Variants in NPSR1 observed in about 807,000 individuals in gnomAD.
NPSR1 encodes neuropeptide S receptor 1.
Under a neutral mutation model 46.9 loss-of-function variants are expected in NPSR1, and 48 were observed. That is an observed-to-expected ratio of 1.02 (90% CI 0.81 to 1.30). The LOEUF is 1.30. Among genes scored for constraint, NPSR1 ranks in the 50% most tolerant of loss-of-function variants. NPSR1 has a pLI of 0.00. For missense variants in NPSR1, 450 were observed against 449.5 expected (o/e 1.00, Z -0.01); for synonymous variants, 176 against 168.1 (o/e 1.05, Z -0.36).
chr7:34,707,432 T>C (rs1794165752), intron 2 of NPSR1, among the ~76,000 whole-genome samples: 1 of 152,182 alleles, frequency 6.6e-6, no homozygotes, highest in Non-Finnish European at 1.5e-5. Context: ...AAATAGACTA[T>C]AGTAACAAGC....
intron 3 of NPSR1, among the ~76,000 whole-genome samples, chr7:34,805,939 T>C (rs188698564): frequency 1.3e-5 from 2 of 152,108 alleles, no homozygotes; most frequent in East Asian, 3.9e-4. Context: ...CAAAATCATA[T>C]GCCATTAGGG....
intron 4 of NPSR1, among the ~76,000 whole-genome samples, chr7:34,823,923 C>T (rs1382262998): frequency 6.6e-6 from 1 of 152,088 alleles, no homozygotes; most frequent in Non-Finnish European, 1.5e-5. Context: ...ACCAAAGATA[C>T]CTGAGCTTTC....
At chr7:34,857,829 A>T (rs1346059202) in intron 8 of NPSR1, among the ~76,000 whole-genome samples, 2 of 151,824 alleles carry the variant, frequency 1.3e-5, no homozygotes, top group Non-Finnish European at 2.9e-5. Context: ...TAATATATAA[A>T]AACTACTGCA....
chr7:34,716,410 G>A (rs1783569930), intron 2 of NPSR1, among the ~76,000 whole-genome samples: 1 of 152,198 alleles, frequency 6.6e-6, no homozygotes, highest in South Asian at 2.1e-4. Context: ...GAGCAGAAGA[G>A]TGTACATATT....
At chr7:34,750,774 A>G in intron 2 of NPSR1, 1 of 694,234 alleles carries the variant, frequency 1.4e-6, no homozygotes, top group Non-Finnish European at 2.7e-6. Context: ...GACACACAGT[A>G]GGCCAGGTCC....
chr7:34,869,439 T>G (rs1420355499), intron 8 of NPSR1, among the ~76,000 whole-genome samples: 1 of 151,712 alleles, frequency 6.6e-6, no homozygotes, highest in Non-Finnish European at 1.5e-5. Flanking sequence ...TCAGACATAA[T>G]GAACTACTGC....
intron 3 of NPSR1, among the ~76,000 whole-genome samples, chr7:34,809,241 T>C (rs1322309593): frequency 6.6e-6 from 1 of 152,162 alleles, no homozygotes; most frequent in Non-Finnish European, 1.5e-5. Context: ...GATCGATTTT[T>C]TTTTTCTTAA....
intron 1 of NPSR1, among the ~76,000 whole-genome samples, chr7:34,676,127 C>T (rs2609216): frequency 0.13 from 20,094 of 152,104 alleles, 1,479 homozygotes; most frequent in African/African-American, 0.19. Context: ...TCTGAAAAGG[C>T]AGTGAGTTAG....
intron 2 of NPSR1, chr7:34,768,448 T>C (rs1396426220): frequency 1.3e-5 from 2 of 152,090 alleles, no homozygotes; most frequent in African/African-American, 2.4e-5. Flanking sequence ...ACTCTGAAAA[T>C]AGTAAAAATA....
At chr7:34,749,168 C>T (rs1414722298) in intron 2 of NPSR1, among the ~76,000 whole-genome samples, 1 of 152,134 alleles carries the variant, frequency 6.6e-6, no homozygotes, top group African/African-American at 2.4e-5. Flanking sequence ...AGCTGAGCCT[C>T]TGTGTGGCCA....
intron 2 of NPSR1, among the ~76,000 whole-genome samples, chr7:34,722,700 G>T (rs1783922934): frequency 6.6e-6 from 1 of 152,172 alleles, no homozygotes; most frequent in African/African-American, 2.4e-5. Context: ...GACAAAAGTG[G>T]GCAGACTTGA....
chr7:34,678,722 AG>A (rs1290783030), intron 1 of NPSR1, among the ~76,000 whole-genome samples: 2 of 151,736 alleles, frequency 1.3e-5, no homozygotes, highest in Non-Finnish European at 2.9e-5. Context: ...TCTACTCGGG[AG>A]GCTGAGGCAG....
At chr7:34,784,774 G>GA (rs1787385292) in intron 3 of NPSR1, among the ~76,000 whole-genome samples, 1 of 151,990 alleles carries the variant, frequency 6.6e-6, no homozygotes, top group Non-Finnish European at 1.5e-5. Flanking sequence ...CAGTTCCTCA[G>GA]AAAAAATGCT....
intron 3 of NPSR1, among the ~76,000 whole-genome samples, chr7:34,802,512 T>C (rs192479999): frequency 6.7e-6 from 1 of 150,342 alleles, no homozygotes; most frequent in Non-Finnish European, 1.5e-5. Flanking sequence ...TGGATAGCCA[T>C]ATGTAGAAAG....
At chr7:34,834,045 C>T (rs887865420) in intron 5 of NPSR1, 10 of 314,852 alleles carry the variant, frequency 3.2e-5, no homozygotes, top group Non-Finnish European at 5.2e-5. Context: ...CAGGACTGTA[C>T]AACAGACAAG....
chr7:34,803,830 T>C (rs1788555832), intron 3 of NPSR1, among the ~76,000 whole-genome samples: 1 of 151,260 alleles, frequency 6.6e-6, no homozygotes, highest in Non-Finnish European at 1.5e-5. Context: ...CTACTGATTC[T>C]GTGGACATTA....
chr7:34,733,665 G>A (rs1036344735), intron 2 of NPSR1, among the ~76,000 whole-genome samples: 1 of 152,148 alleles, frequency 6.6e-6, no homozygotes, highest in Non-Finnish European at 1.5e-5. Context: ...TGCTATCATA[G>A]AGATGTAATG....
chr7:34,771,688 T>C (rs1316166668), intron 2 of NPSR1, among the ~76,000 whole-genome samples: 1 of 152,132 alleles, frequency 6.6e-6, no homozygotes, highest in African/African-American at 2.4e-5. Flanking sequence ...TAAAAGGCAG[T>C]GTTGAAGGCA....
rs34981870 is a variant in NPSR1 at position 34,681,818 on chromosome 7, TGA to T, written c.148-2716_148-2715del. On this transcript the variant is annotated intron_variant, in intron 1 of 8. Transcript: ENST00000360581. ...CTAAATCCCCTAAATCTTTCAAAGC[TGA>T]GAGAGAGAGAGAGAGAGTAATTCAC... is the stretch of plus-strand genomic sequence containing the variant. 9.6e-3 allele frequency among the ~76,000 whole-genome samples: 1,429 copies of T among 149,270 alleles called. 23 individuals are homozygous for T. Among genetic ancestry groups the T allele is most frequent in the African/African-American group, 0.033 (1,345 of 40,876 alleles).
Sources: gnomAD v4.1 joint callset for allele counts (sites outside exome capture counted in the v4.1 genomes callset) on GRCh38, gnomAD v4.1.1 for gene constraint, MANE v1.5 for transcripts, NCBI Gene and HGNC (gene_info 2026-07-23, HGNC 2026-07-21) for gene names.